Variants in DPP3 observed in about 807,000 individuals in gnomAD.
DPP3 encodes the protein dipeptidyl peptidase 3.
A neutral mutation model predicts 89.8 loss-of-function variants in DPP3; 64 were observed. The ratio of observed to expected loss-of-function variants is 0.71; its 90% confidence interval spans 0.58 to 0.88. The LOEUF (loss-of-function observed/expected upper bound fraction) is 0.88. Ranked by LOEUF, DPP3 falls within the 40% of genes least tolerant of loss-of-function variation. The pLI, the probability that DPP3 is intolerant of heterozygous loss-of-function variation, is 0.00. For synonymous variants in DPP3, 377 were observed against 404.3 expected (o/e 0.93, Z 0.81); for missense variants, 835 against 972.5 (o/e 0.86, Z 1.88).
intron 16 of DPP3, among the ~76,000 whole-genome samples, chr11:66,501,116 G>C (rs1048407204): frequency 1.3e-5 from 2 of 151,882 alleles, no homozygotes; most frequent in East Asian, 3.9e-4. Flanking sequence ...TGAACCAGGA[G>C]GTGGAGGTTG....
At position 66,509,570 on chromosome 11, in the gene DPP3, G is replaced by C; in HGVS notation, c.*319G>C. The C allele has an allele frequency of 1.4e-6, 1 of 737,200 alleles. No homozygotes were observed. Among genetic ancestry groups the C allele is most frequent in the South Asian group, 1.5e-5 (1 of 67,248 alleles). The allele number at this position is 737,200 out of a possible 1,614,324, so 45.7% of individuals were successfully genotyped here. A position where few individuals can be genotyped will look rare whatever the true frequency, so the allele number is the denominator to read the frequency against. ...TAGATCCCGCAGGTGGCACGTGACAGCTAGGGTTCAAAACGTTCTCACCAA... is the reference window on the plus strand; with the variant it reads ...TAGATCCCGCAGGTGGCACGTGACACCTAGGGTTCAAAACGTTCTCACCAA... On this transcript the variant is annotated 3_prime_UTR_variant, in exon 18 of 18. Coordinates refer to ENST00000531863, the MANE Select transcript of DPP3 (RefSeq NM_130443.4).
chr11:66,495,092 C>T (rs1384354078), intron 12 of DPP3, 114 bp from the exon 13 acceptor site: 15 of 1,490,830 alleles, frequency 1.0e-5, no homozygotes, highest in African/African-American at 1.4e-5. Context: ...TCCCGCCGCC[C>T]GCTCCTGCGC....
rs988030041 is a variant in DPP3 at position 66,493,778 on chromosome 11, C to A, written c.1389+145C>A. On this transcript the variant is annotated intron_variant, in intron 12 of 17. Coordinates refer to ENST00000531863, the MANE Select transcript of DPP3 (RefSeq NM_130443.4). ...AAAATGGCCCCTTAGGCAGAGAAGACCCTGTCTTGCCCTCCCTCAAGATGT... is the reference window on the plus strand; with the variant it reads ...AAAATGGCCCCTTAGGCAGAGAAGAACCTGTCTTGCCCTCCCTCAAGATGT... 3.0e-5 allele frequency: 23 copies of A among 778,778 alleles called. No homozygotes were observed. In the Admixed American group the frequency reaches 5.0e-4, roughly 17 times the overall value. The allele number at this position is 778,778 out of a possible 1,614,324, so 48.2% of individuals were successfully genotyped here.
At chr11:66,493,983 CGTGCTTAGGGCGTG>C (rs1442827764) in intron 12 of DPP3, among the ~76,000 whole-genome samples, 7 of 152,246 alleles carry the variant, frequency 4.6e-5, no homozygotes, top group Admixed American at 1.3e-4. Flanking sequence ...ACCCTAAGGG[CGTGCTTAGGGCGTG>C]GCTCCAGCAG....
At chr11:66,500,901 C>T (rs369263329) in intron 16 of DPP3, among the ~76,000 whole-genome samples, 2 of 151,610 alleles carry the variant, frequency 1.3e-5, no homozygotes, top group Non-Finnish European at 2.9e-5. Context: ...ACTAAAAGTA[C>T]AAAAAGGCTG....
intron 5 of DPP3, 58 bp downstream of exon 5, chr11:66,487,400 C>T (rs1397340018): frequency 1.6e-5 from 25 of 1,552,590 alleles, no homozygotes; most frequent in Middle Eastern, 3.4e-4. Context: ...TAGTCCCAGC[C>T]CCCTCACAAC....
rs201191237 is a variant in DPP3, at chr11:66,485,126, C to G, written c.271-47C>G. ...TCTCAGGAGGAGGTGTCGCTGGGGTCAGGGAGGCTGTGCTTCCTGGGTCTC... is the reference window on the plus strand; with the variant it reads ...TCTCAGGAGGAGGTGTCGCTGGGGTGAGGGAGGCTGTGCTTCCTGGGTCTC... On this transcript the variant is annotated intron_variant, in intron 2 of 17. Coordinates refer to ENST00000531863, the MANE Select transcript of DPP3 (RefSeq NM_130443.4). 2.0e-5 allele frequency: 32 copies of G among 1,571,316 alleles called. No individual in the cohort carries two copies. The African/African-American group carries it at 3.9e-4, about 19-fold the overall frequency.
chr11:66,485,052 C>T, intron 2 of DPP3, 121 bp from the exon 3 acceptor site: 3 of 936,044 alleles, frequency 3.2e-6, no homozygotes, highest in African/African-American at 1.6e-5. Flanking sequence ...TAGGTCCTGC[C>T]CACACATTTC....
chr11:66,493,711 C>T, intron 12 of DPP3, 78 bp downstream of exon 12: 1 of 1,432,328 alleles, frequency 7.0e-7, no homozygotes, highest in South Asian at 1.3e-5. Flanking sequence ...AGCGGTGAAG[C>T]TGCTCCAGCC....
In DPP3 at chr11:66,495,618, C is replaced by A; in HGVS notation, c.1578-12C>A. ...CTCTGACCATCCTGCCACCTGCCTG[C>A]CCCTCTCACAGGATCTTTGGCTTTG... On this transcript the variant is annotated splice_polypyrimidine_tract_variant and intron_variant, in intron 14 of 17. Coordinates refer to ENST00000531863, the MANE Select transcript of DPP3 (RefSeq NM_130443.4). The A allele has an allele frequency of 6.2e-7, 1 of 1,614,138 alleles. No individual in the cohort carries two copies. The highest frequency in any genetic ancestry group is 8.5e-7 in the Non-Finnish European group (1 of 1,180,028).
Position 66,482,211 on chromosome 11 carries a change from C to G in DPP3, c.11C>G (p.Thr4Ser). MAD[T>S]QYILPNDIGV... ...TTCTCAGCAGGGCCCATGGCGGACA[C>G]CCAGTACATCCTGCCCAATGACATC... is the stretch of plus-strand genomic sequence containing the variant. The change falls in exon 2 of 18, where the codon ACC (threonine) becomes AGC (serine). Residue 4 changes from threonine to serine, a missense_variant. Transcript: ENST00000531863. The G allele has an allele frequency of 6.2e-7, 1 of 1,614,140 alleles. No homozygotes were observed. Among genetic ancestry groups the G allele is most frequent in the Non-Finnish European group, 8.5e-7 (1 of 1,180,018 alleles).
chr11:66,492,076 G>C (rs2134731533), intron 9 of DPP3, among the ~76,000 whole-genome samples: 1 of 152,316 alleles, frequency 6.6e-6, no homozygotes, highest in Middle Eastern at 3.4e-3. Context: ...TGTCTGGTCA[G>C]GGCACAGGCT....
rs550228617 is a variant in DPP3, at chr11:66,491,964, A to G, written c.988+208A>G. ...TAACTAATTTAGAGTCCATCATCCC[A>G]TGAGGATATTTATCTTCACTTTGCA... On this transcript the variant is annotated intron_variant, in intron 9 of 17. Coordinates refer to ENST00000531863, the MANE Select transcript of DPP3 (RefSeq NM_130443.4). Among the ~76,000 whole-genome samples the G allele has an allele frequency of 6.6e-5, 10 of 152,282 alleles. No individual in the cohort carries two copies. The South Asian group carries it at 1.9e-3, about 28-fold the overall frequency.
At chr11:66,485,393 C>T in intron 3 of DPP3, 131 bp downstream of exon 3, 2 of 858,734 alleles carry the variant, frequency 2.3e-6, no homozygotes, top group South Asian at 1.6e-5. Context: ...CGCTTCCACC[C>T]TGCATGACTG....
intron 3 of DPP3, 67 bp from the exon 4 acceptor site, chr11:66,486,473 G>T: frequency 7.0e-7 from 1 of 1,427,898 alleles, no homozygotes; most frequent in Non-Finnish European, 9.2e-7. Flanking sequence ...CTTGGGAGTG[G>T]GTAGGGAGGC....
intron 13 of DPP3, 47 bp from the exon 14 acceptor site, chr11:66,495,318 G>A: frequency 6.2e-7 from 1 of 1,613,894 alleles, no homozygotes; most frequent in South Asian, 1.1e-5. Context: ...GTGGGCACAG[G>A]TGGGGCAGTG....
At chr11:66,506,275 A>G (rs1855799061) in intron 17 of DPP3, among the ~76,000 whole-genome samples, 1 of 145,064 alleles carries the variant, frequency 6.9e-6, no homozygotes. Context: ...TATTTCTGAG[A>G]CGGAGTTTCC....
At chr11:66,493,407 G>T in intron 11 of DPP3, 134 bp from the exon 12 acceptor site, 1 of 934,176 alleles carries the variant, frequency 1.1e-6, no homozygotes, top group South Asian at 1.7e-5. Flanking sequence ...GAAATGGGCT[G>T]TGGGGTGGAG....
At chr11:66,491,891 A>C in intron 9 of DPP3, 135 bp downstream of exon 9, 1 of 961,214 alleles carries the variant, frequency 1.0e-6, no homozygotes, top group Non-Finnish European at 1.6e-6. Context: ...TGGTAAATAA[A>C]CACCGTTTAC....
Sources: gnomAD v4.1 joint callset for allele counts (sites outside exome capture counted in the v4.1 genomes callset) on GRCh38, gnomAD v4.1.1 for gene constraint, MANE v1.5 for transcripts, NCBI Gene and HGNC (gene_info 2026-07-23, HGNC 2026-07-21) for gene names.